The following BCKDHB variants were observed in gnomAD, a reference collection of about 807,000 sequenced individuals.
BCKDHB encodes the protein branched chain keto acid dehydrogenase E1 subunit beta, also known as 2-oxoisovalerate dehydrogenase subunit beta, mitochondrial.
A neutral mutation model predicts 48.5 loss-of-function variants in BCKDHB; 41 were observed. The observed-to-expected ratio is 0.85, with a 90% CI of 0.66 to 1.10. The LOEUF is 1.10. Among genes scored for constraint, BCKDHB ranks in the 50% least tolerant of loss-of-function variants. The probability of loss-of-function intolerance (pLI) is 0.00; values close to 1 mark genes in which losing one functional copy is unlikely to be tolerated. For missense variants in BCKDHB, 496 were observed against 494.2 expected (o/e 1.00, Z -0.03); for synonymous variants, 201 against 174.8 (o/e 1.15, Z -1.18).
At chr6:80,427,390 C>G in the BCKDHB span, among the ~76,000 whole-genome samples, 14 of 152,034 alleles carry the variant, frequency 9.2e-5, no homozygotes, top group Middle Eastern at 3.7e-3. Flanking sequence ...CCATTCCAAC[C>G]TTTTTGCTAT....
At chr6:80,201,172 T>C in intron 7 of BCKDHB, 141 bp downstream of exon 7, 1 of 744,634 alleles carries the variant, frequency 1.3e-6, no homozygotes, top group Non-Finnish European at 2.4e-6. Flanking sequence ...TAATTTCTTT[T>C]TTCCCTCAAC....
At chr6:80,307,962 T>A (rs1767961084) in intron 9 of BCKDHB, 2 of 949,386 alleles carry the variant, frequency 2.1e-6, no homozygotes, top group Non-Finnish European at 2.5e-6. Context: ...TAGCAAAAAA[T>A]TTTGAATGCC....
chr6:80,346,771 C>T (rs1770219142), downstream of BCKDHB, among the ~76,000 whole-genome samples: 1 of 152,098 alleles, frequency 6.6e-6, no homozygotes. Context: ...TTGTCCAGTC[C>T]TCTTGTTTCT....
intron 9 of BCKDHB, among the ~76,000 whole-genome samples, chr6:80,314,694 TG>T (rs1475963289): frequency 6.6e-6 from 1 of 152,166 alleles, no homozygotes; most frequent in Non-Finnish European, 1.5e-5. Flanking sequence ...CTGGAACCGC[TG>T]AGTCGTCAAA....
chr6:80,185,642 T>C (rs1773608457), intron 6 of BCKDHB, among the ~76,000 whole-genome samples: 1 of 152,210 alleles, frequency 6.6e-6, no homozygotes, highest in South Asian at 2.1e-4. Flanking sequence ...CCCCTTCACC[T>C]GGAGATGGGA....
rs187063213 is a variant in BCKDHB, at chr6:80,140,773, G to T, written c.343+11544G>T. On this transcript the variant is annotated intron_variant, in intron 3 of 9. Transcript: ENST00000320393. ...TATTGGTCTAAAATTCTCTTTTTTG[G>T]TTGTGTCTCTGCCTGGCTTTGGTAT... Among the ~76,000 whole-genome samples, 264 of 152,088 alleles carry T rather than the reference G, an allele frequency of 1.7e-3. 1 individual carries two copies. Among genetic ancestry groups the T allele is most frequent in the African/African-American group, 6.0e-3 (250 of 41,502 alleles).
the BCKDHB span, among the ~76,000 whole-genome samples, chr6:80,370,379 A>G: frequency 6.6e-6 from 1 of 152,140 alleles, no homozygotes. Context: ...TAGATGCTGC[A>G]TGCTGTTTTT....
At chr6:80,424,456 A>C in the BCKDHB span, among the ~76,000 whole-genome samples, 3 of 152,218 alleles carry the variant, frequency 2.0e-5, no homozygotes, top group African/African-American at 7.2e-5. Flanking sequence ...AATATAACCC[A>C]GATTAATGCA....
At chr6:80,431,224 A>T in the BCKDHB span, among the ~76,000 whole-genome samples, 1 of 152,102 alleles carries the variant, frequency 6.6e-6, no homozygotes, top group Non-Finnish European at 1.5e-5. Flanking sequence ...TTTGCTGAGG[A>T]GTGTTTTACT....
At position 80,279,496 on chromosome 6, in the gene BCKDHB, C is replaced by T. The variant is rs555381344; in HGVS notation, c.1038+6275C>T. Among the ~76,000 whole-genome samples the T allele has an allele frequency of 1.1e-4, 16 of 152,150 alleles. 1 individual carries two copies. In the East Asian group the frequency reaches 1.2e-3, roughly 11 times the overall value. On this transcript the variant is annotated intron_variant, in intron 9 of 9. Transcript: ENST00000320393. ...TCTTTGTCTCCAGCTGTTCACCTCT[C>T]GTCTAATTACTATGTATTATTTTCT...
At chr6:80,110,369 A>G (rs1369899711) in intron 1 of BCKDHB, among the ~76,000 whole-genome samples, 1 of 152,198 alleles carries the variant, frequency 6.6e-6, no homozygotes, top group Admixed American at 6.5e-5. Context: ...GGTATCCCCT[A>G]TCTGCCAGGA....
At chr6:80,422,754 A>G in the BCKDHB span, among the ~76,000 whole-genome samples, 2 of 152,110 alleles carry the variant, frequency 1.3e-5, no homozygotes, top group African/African-American at 4.8e-5. Context: ...TGTTTTGGCC[A>G]ATTTCTCCAA....
the BCKDHB span, among the ~76,000 whole-genome samples, chr6:80,431,113 C>T: frequency 6.6e-6 from 1 of 152,138 alleles, no homozygotes; most frequent in Non-Finnish European, 1.5e-5. Context: ...GTTCAGTTTC[C>T]ATATAGTTGT....
intron 9 of BCKDHB, among the ~76,000 whole-genome samples, chr6:80,305,683 C>T (rs903186985): frequency 6.6e-6 from 1 of 152,090 alleles, no homozygotes. Flanking sequence ...CAAAGGAGCC[C>T]CCCACATGTA....
the BCKDHB span, among the ~76,000 whole-genome samples, chr6:80,409,329 G>A: frequency 4.0e-5 from 6 of 151,876 alleles, no homozygotes; most frequent in African/African-American, 1.4e-4. Flanking sequence ...TAAGTTCGAT[G>A]AGGTGCTGAG....
At chr6:80,189,807 A>G (rs371726869) in intron 6 of BCKDHB, among the ~76,000 whole-genome samples, 31 of 152,240 alleles carry the variant, frequency 2.0e-4, no homozygotes, top group East Asian at 3.9e-4. Flanking sequence ...AGTAATATAT[A>G]TTTTAGAACA....
the BCKDHB span, among the ~76,000 whole-genome samples, chr6:80,449,433 A>G: frequency 6.6e-6 from 1 of 152,220 alleles, no homozygotes; most frequent in Admixed American, 6.5e-5. Flanking sequence ...TGGAGCTTAT[A>G]TTCCACAGAG....
intron 3 of BCKDHB, among the ~76,000 whole-genome samples, chr6:80,134,870 A>T (rs1770806901): frequency 6.6e-6 from 1 of 151,990 alleles, no homozygotes; most frequent in African/African-American, 2.4e-5. Flanking sequence ...CTTGTGCCTC[A>T]GCCTCTGAGT....
At chr6:80,135,491 A>G (rs1246659223) in intron 3 of BCKDHB, among the ~76,000 whole-genome samples, 1 of 152,114 alleles carries the variant, frequency 6.6e-6, no homozygotes, top group African/African-American at 2.4e-5. Flanking sequence ...CTGGTTTCCT[A>G]ATATATTTAT....
Sources: allele counts gnomAD v4.1 joint callset (sites outside exome capture counted in the v4.1 genomes callset), GRCh38; gene constraint gnomAD v4.1.1; transcripts MANE v1.5; gene names NCBI Gene and HGNC (gene_info 2026-07-23, HGNC 2026-07-21).